CYP7B1: variants seen among roughly 807,000 people sequenced by gnomAD.
CYP7B1 encodes the protein cytochrome P450 7B1.
CYP7B1 carries 29 observed loss-of-function variants against 42.7 expected under a neutral mutation model. The ratio of observed to expected loss-of-function variants is 0.68; its 90% confidence interval spans 0.51 to 0.93. CYP7B1 has a LOEUF of 0.93. Among genes scored for constraint, CYP7B1 ranks in the 40% least tolerant of loss-of-function variants. The pLI is 0.00. For missense variants in CYP7B1, 655 were observed against 600.5 expected, an observed-to-expected ratio of 1.09 and a Z score of -0.95; for synonymous variants, 235 against 218.2, an observed-to-expected ratio of 1.08 and a Z score of -0.68.
At chr8:64,749,012 A>C (rs563176025) in intron 1 of CYP7B1, among the ~76,000 whole-genome samples, 1 of 152,214 alleles carries the variant, frequency 6.6e-6, no homozygotes, top group Non-Finnish European at 1.5e-5. Context: ...TTTAGATTTC[A>C]TTCTACATGT....
At chr8:64,757,528 G>A (rs1305079146) in intron 1 of CYP7B1, among the ~76,000 whole-genome samples, 1 of 152,212 alleles carries the variant, frequency 6.6e-6, no homozygotes, top group African/African-American at 2.4e-5. Flanking sequence ...GGTTCATGGA[G>A]ACTCCCAGGC....
In CYP7B1 at chr8:64,691,267, G is replaced by A. The variant is rs529273187; in HGVS notation, c.123-66728C>T. Among the ~76,000 whole-genome samples, 75 of 152,184 alleles carry A rather than the reference G, an allele frequency of 4.9e-4. 2 individuals are homozygous for A. The South Asian group carries it at 0.015, about 31-fold the overall frequency. On this transcript the variant is annotated intron_variant, in intron 1 of 5. Transcript: ENST00000310193. Reference sequence around the variant, plus strand: ...TAAATAGGTAGTACAGTTTAGGGACGTTAAGCAGGCTTAGTGATCACTTAT... The same window carrying A: ...TAAATAGGTAGTACAGTTTAGGGACATTAAGCAGGCTTAGTGATCACTTAT...
intron 1 of CYP7B1, among the ~76,000 whole-genome samples, chr8:64,786,937 T>C (rs1804538304): frequency 6.6e-6 from 1 of 152,260 alleles, no homozygotes; most frequent in Non-Finnish European, 1.5e-5. Flanking sequence ...CTGCCAAAAC[T>C]TGAGGCTTGC....
chr8:64,762,773 A>G (rs1807908642), intron 1 of CYP7B1, among the ~76,000 whole-genome samples: 2 of 152,202 alleles, frequency 1.3e-5, no homozygotes, highest in Non-Finnish European at 2.9e-5. Flanking sequence ...AACAAAATTA[A>G]CCAAAAGACC....
In CYP7B1 at chr8:64,615,745, T is replaced by G. The variant is rs770346420; in HGVS notation, c.796A>C (p.Ser266Arg). 20 of 1,613,690 alleles carry G rather than the reference T, an allele frequency of 1.2e-5. No homozygotes were observed. Among genetic ancestry groups the G allele is most frequent in the Non-Finnish European group, 1.7e-5 (20 of 1,179,788 alleles). Residue 266 changes from serine (S) to arginine (R), a missense_variant, in exon 3 of 6, where the codon AGC (serine) becomes CGC (arginine). Physicochemically the swap from Ser to Arg is moderately radical, Grantham distance 110. Coordinates refer to ENST00000310193, the MANE Select transcript of CYP7B1 (RefSeq NM_004820.5). ...TATTTCTCCAGGACATCTTGCCTGC[T>G]TTGAAAAACTTCTGACCATCCTTGC... ...KMQGWSEVFQ[S>R]RQDVLEKYYV...
chr8:64,614,266 AG>A (rs1446095917), intron 4 of CYP7B1, among the ~76,000 whole-genome samples: 1 of 151,180 alleles, frequency 6.6e-6, no homozygotes, highest in Non-Finnish European at 1.5e-5. Context: ...TAAAAGCTCC[AG>A]TCATTGAGGT....
intron 1 of CYP7B1, among the ~76,000 whole-genome samples, chr8:64,720,391 G>A (rs1807218969): frequency 6.6e-6 from 1 of 152,150 alleles, no homozygotes; most frequent in Admixed American, 6.6e-5. Context: ...AATCTGTTAT[G>A]TGAAAATATC....
intron 1 of CYP7B1, among the ~76,000 whole-genome samples, chr8:64,758,423 T>C (rs1807838337): frequency 6.6e-6 from 1 of 152,230 alleles, no homozygotes; most frequent in Non-Finnish European, 1.5e-5. Context: ...AAATAGTTAC[T>C]AGCTATGTAG....
chr8:64,709,413 G>T (rs1223078424), intron 1 of CYP7B1, among the ~76,000 whole-genome samples: 1 of 152,156 alleles, frequency 6.6e-6, no homozygotes, highest in African/African-American at 2.4e-5. Context: ...AAACTTTAAT[G>T]ATATGGATAT....
intron 1 of CYP7B1, among the ~76,000 whole-genome samples, chr8:64,763,731 C>T (rs1416327175): frequency 6.6e-6 from 1 of 152,212 alleles, no homozygotes; most frequent in Non-Finnish European, 1.5e-5. Context: ...GAAGCCGAGG[C>T]CGCCTAGAGG....
intron 1 of CYP7B1, among the ~76,000 whole-genome samples, chr8:64,772,704 T>C (rs1440574398): frequency 6.6e-6 from 1 of 152,194 alleles, no homozygotes; most frequent in Non-Finnish European, 1.5e-5. Context: ...AGAACAAAAA[T>C]CAAATTACCT....
chr8:64,675,951 T>C lies in CYP7B1; in HGVS notation c.123-51412A>G, dbSNP rs1479958736. Among the ~76,000 whole-genome samples the C allele has an allele frequency of 3.9e-5, 6 of 152,248 alleles. No homozygotes were observed. In the South Asian group the frequency reaches 1.2e-3, roughly 32 times the overall value. ...GGGGGTCTCTGAGGATCAAAATCAC[T>C]CAGCACAAACTCAGAGCTCCTTGAA... On this transcript the variant is annotated intron_variant, in intron 1 of 5. Transcript: ENST00000310193.
intron 4 of CYP7B1, 74 bp downstream of exon 4, chr8:64,614,952 A>G (rs1585807071): frequency 2.8e-6 from 4 of 1,448,966 alleles, no homozygotes; most frequent in East Asian, 2.3e-5. Flanking sequence ...ACCTCTTGGT[A>G]AACAGCTATG....
intron 1 of CYP7B1, among the ~76,000 whole-genome samples, chr8:64,797,473 C>T (rs1451780547): frequency 1.3e-5 from 2 of 152,062 alleles, no homozygotes; most frequent in African/African-American, 4.8e-5. Flanking sequence ...GAAAAGGCAA[C>T]CTGGAAGCGC....
rs562208816 is a variant in CYP7B1, at chr8:64,707,762, T to C, written c.123-83223A>G. ...CTTAAAATCCAAAATCAAACAAAAT[T>C]CTCTCTGCTATGACCAATCACAAAC... On this transcript the variant is annotated intron_variant, in intron 1 of 5. Coordinates refer to ENST00000310193, the MANE Select transcript of CYP7B1 (RefSeq NM_004820.5). Among the ~76,000 whole-genome samples the C allele has an allele frequency of 7.2e-5, 11 of 152,248 alleles. No homozygotes were observed. In the South Asian group the frequency reaches 2.3e-3, roughly 32 times the overall value.
chr8:64,737,078 T>G (rs1045457966), intron 1 of CYP7B1, among the ~76,000 whole-genome samples: 3 of 152,160 alleles, frequency 2.0e-5, no homozygotes, highest in Non-Finnish European at 4.4e-5. Context: ...ATGAAAAATA[T>G]CCTAAATCAG....
At chr8:64,698,686 A>C (rs1585863426) in intron 1 of CYP7B1, among the ~76,000 whole-genome samples, 1 of 152,270 alleles carries the variant, frequency 6.6e-6, no homozygotes, top group East Asian at 1.9e-4. Context: ...CTGAAACCTG[A>C]ATGACCTGTT....
At chr8:64,747,307 T>C (rs1031493440) in intron 1 of CYP7B1, among the ~76,000 whole-genome samples, 1 of 148,844 alleles carries the variant, frequency 6.7e-6, no homozygotes, top group Non-Finnish European at 1.5e-5. Context: ...ATATACTATA[T>C]TCATAATATA....
intron 1 of CYP7B1, among the ~76,000 whole-genome samples, chr8:64,656,352 G>A (rs1212789690): frequency 6.6e-6 from 1 of 152,162 alleles, no homozygotes; most frequent in East Asian, 1.9e-4. Context: ...TAAATGTCAT[G>A]GGGGGTAGAG....
Sources: allele counts gnomAD v4.1 joint callset (sites outside exome capture counted in the v4.1 genomes callset), GRCh38; gene constraint gnomAD v4.1.1; transcripts MANE v1.5; gene names NCBI Gene and HGNC (gene_info 2026-07-23, HGNC 2026-07-21).